GALNT7: variants seen among roughly 807,000 people sequenced by gnomAD.
GALNT7 encodes the protein polypeptide N-acetylgalactosaminyltransferase 7, also known as N-acetylgalactosaminyltransferase 7.
In GALNT7, 60 loss-of-function variants were observed where a neutral mutation model predicts 82.1. The ratio of observed to expected loss-of-function variants is 0.73; its 90% confidence interval spans 0.59 to 0.91. The LOEUF is 0.91. GALNT7 is among the 40% of genes least tolerant of loss of function. The pLI is 0.00. For missense variants in GALNT7, 660 were observed against 804.2 expected (o/e 0.82, Z 2.17); for synonymous variants, 243 against 275.1 (o/e 0.88, Z 1.15).
chr4:173,210,502 G>A (rs1733244477), intron 1 of GALNT7, among the ~76,000 whole-genome samples: 1 of 152,100 alleles, frequency 6.6e-6, no homozygotes, highest in Non-Finnish European at 1.5e-5. Context: ...CGCCCAGGCT[G>A]AAGTGAGATG....
At chr4:173,237,484 C>T (rs1734273344) in intron 1 of GALNT7, among the ~76,000 whole-genome samples, 1 of 152,076 alleles carries the variant, frequency 6.6e-6, no homozygotes, top group African/African-American at 2.4e-5. Flanking sequence ...ACATTCTCTC[C>T]CAACACAAAT....
intron 1 of GALNT7, among the ~76,000 whole-genome samples, chr4:173,201,189 T>C (rs1345793355): frequency 6.6e-6 from 1 of 152,220 alleles, no homozygotes; most frequent in African/African-American, 2.4e-5. Context: ...GTATTTATCT[T>C]TTTTCTCCTG....
At chr4:173,315,484 T>C (rs1737564417) in intron 9 of GALNT7, among the ~76,000 whole-genome samples, 1 of 152,086 alleles carries the variant, frequency 6.6e-6, no homozygotes, top group East Asian at 1.9e-4. Flanking sequence ...CATCAGCAGG[T>C]AGGTCGTTTC....
At chr4:173,257,507 T>C (rs1278516999) in intron 2 of GALNT7, among the ~76,000 whole-genome samples, 1 of 152,212 alleles carries the variant, frequency 6.6e-6, no homozygotes, top group Admixed American at 6.5e-5. Flanking sequence ...AAAAAGGGCT[T>C]AGCACCAAAG....
At chr4:173,306,369 G>A (rs1481460821) in intron 8 of GALNT7, among the ~76,000 whole-genome samples, 3 of 151,348 alleles carry the variant, frequency 2.0e-5, no homozygotes, top group Admixed American at 6.6e-5. Flanking sequence ...TCTTTCTCTT[G>A]TCTAGTTGCT....
At chr4:173,315,503 G>A (rs1737565564) in intron 9 of GALNT7, among the ~76,000 whole-genome samples, 1 of 152,156 alleles carries the variant, frequency 6.6e-6, no homozygotes, top group Non-Finnish European at 1.5e-5. Flanking sequence ...TCATGGGACT[G>A]AATGAGGTCC....
At chr4:173,262,502 C>T (rs753013203) in intron 2 of GALNT7, among the ~76,000 whole-genome samples, 4 of 152,084 alleles carry the variant, frequency 2.6e-5, no homozygotes, top group African/African-American at 4.8e-5. Context: ...GCCTTAACTC[C>T]TGAGAAACTG....
chr4:173,305,081 T>C (rs955380891), intron 8 of GALNT7, among the ~76,000 whole-genome samples: 13 of 152,184 alleles, frequency 8.5e-5, no homozygotes, highest in South Asian at 2.1e-4. Flanking sequence ...TTTTTAATAT[T>C]CTGAGGAACC....
chr4:173,240,589 G>T (rs191098309), intron 1 of GALNT7, among the ~76,000 whole-genome samples: 20 of 152,020 alleles, frequency 1.3e-4, no homozygotes, highest in Non-Finnish European at 2.6e-4. Context: ...GGCTGGTCTC[G>T]AACTCCAGAC....
chr4:173,183,781 C>G (rs13150231), intron 1 of GALNT7, among the ~76,000 whole-genome samples: 2 of 150,598 alleles, frequency 1.3e-5, no homozygotes, highest in East Asian at 4.0e-4. Flanking sequence ...CTGGCAGGGA[C>G]TGCCCCCCAC....
intron 1 of GALNT7, among the ~76,000 whole-genome samples, chr4:173,198,941 T>C (rs1732862408): frequency 6.6e-6 from 1 of 152,194 alleles, no homozygotes; most frequent in Admixed American, 6.5e-5. Flanking sequence ...AGCTGGAATC[T>C]GAATAATTCA....
Position 173,302,243 on chromosome 4 carries a change from T to TG in GALNT7, c.1266+84dup, listed in dbSNP as rs1580005385. 2 of 768,360 alleles carry TG rather than the reference T, an allele frequency of 2.6e-6. No individual in the cohort carries two copies. Among genetic ancestry groups the TG allele is most frequent in the Non-Finnish European group, 4.7e-6 (2 of 427,462 alleles). 47.6% of individuals were successfully genotyped at this position (768,360 alleles called of 1,614,324 possible). ...GCTTTCAGATAAAGCTAGTTTTTTG[T>TG]GGGGGAAAAAAGCCCACAATTATAT... On this transcript the variant is annotated intron_variant, in intron 7 of 11. Coordinates refer to ENST00000265000, the MANE Select transcript of GALNT7 (RefSeq NM_017423.3). The surrounding 1 kb of genome is among the most constrained non-coding windows in gnomAD (Gnocchi z 4.2).
At position 173,318,575 on chromosome 4, in the gene GALNT7, A is replaced by T. The variant is rs1216891921; in HGVS notation, c.1836+16A>T. 9 of 1,468,168 alleles carry T rather than the reference A, an allele frequency of 6.1e-6. No individual in the cohort carries two copies. The highest frequency in any genetic ancestry group is 7.6e-6 in the Non-Finnish European group (8 of 1,052,102). 90.9% of individuals were successfully genotyped at this position (1,468,168 alleles called of 1,614,324 possible). ...GTACTTCAAGGTATTCTGCATTTTA[A>T]CTTCTGAAATATTATATGCTTTTCA... On this transcript the variant is annotated intron_variant, in intron 11 of 11. Coordinates refer to ENST00000265000, the MANE Select transcript of GALNT7 (RefSeq NM_017423.3).
At chr4:173,202,841 G>T (rs35730812) in intron 1 of GALNT7, among the ~76,000 whole-genome samples, 17,914 of 151,944 alleles carry the variant, frequency 0.12, 1,338 homozygotes, top group Non-Finnish European at 0.17. Context: ...TATGTATTTA[G>T]GTGTGCTAAT....
At chr4:173,172,524 C>T (rs573643198) in intron 1 of GALNT7, among the ~76,000 whole-genome samples, 31 of 152,128 alleles carry the variant, frequency 2.0e-4, no homozygotes, top group Non-Finnish European at 3.7e-4. Flanking sequence ...GGTGTTGGCG[C>T]GACCAATTAT....
chr4:173,191,103 G>A (rs1732613861), intron 1 of GALNT7, among the ~76,000 whole-genome samples: 1 of 152,058 alleles, frequency 6.6e-6, no homozygotes, highest in Non-Finnish European at 1.5e-5. Flanking sequence ...CACACAGATA[G>A]TGATTCCAAG....
intron 2 of GALNT7, among the ~76,000 whole-genome samples, chr4:173,253,404 CA>C (rs1391066974): frequency 6.6e-6 from 1 of 152,052 alleles, no homozygotes; most frequent in Non-Finnish European, 1.5e-5. Flanking sequence ...ACATGCCATT[CA>C]CAGAGTCTAC....
At chr4:173,318,338 A>T in intron 10 of GALNT7, 93 bp from the exon 11 acceptor site, 1 of 900,684 alleles carries the variant, frequency 1.1e-6, no homozygotes. Context: ...TTAGTCATTC[A>T]ATTTAATTAT....
At chr4:173,216,373 C>T (rs111292237) in intron 1 of GALNT7, among the ~76,000 whole-genome samples, 49 of 152,170 alleles carry the variant, frequency 3.2e-4, no homozygotes, top group African/African-American at 9.4e-4. Flanking sequence ...TAGTGGAGGG[C>T]GTAATGTGTT....
Sources: allele counts gnomAD v4.1 joint callset (sites outside exome capture counted in the v4.1 genomes callset), GRCh38; gene constraint gnomAD v4.1.1; non-coding constraint Gnocchi (gnomAD v3.1); transcripts MANE v1.5; gene names NCBI Gene and HGNC (gene_info 2026-07-23, HGNC 2026-07-21).